CNTN4: variants seen among roughly 807,000 people sequenced by gnomAD.
The protein encoded by CNTN4 is contactin 4.
In CNTN4, 77 loss-of-function variants were observed where a neutral mutation model predicts 122.5. That is an observed-to-expected ratio of 0.63 (90% CI 0.52 to 0.76). The LOEUF (loss-of-function observed/expected upper bound fraction) is 0.76. CNTN4 is among the 30% of genes least tolerant of loss of function. The pLI is 0.00. For missense variants in CNTN4, 1,256 were observed against 1,259.1 expected, an observed-to-expected ratio of 1.00 and a Z score of 0.04; for synonymous variants, 512 against 447.0, an observed-to-expected ratio of 1.15 and a Z score of -1.83.
chr3:2,565,726 C>T (rs1240789599), intron 3 of CNTN4, among the ~76,000 whole-genome samples: 2 of 152,104 alleles, frequency 1.3e-5, no homozygotes, highest in Non-Finnish European at 2.9e-5. Flanking sequence ...TGCCATTTTC[C>T]TTTAAAATTA....
chr3:3,014,896 T>TC (rs1221695433), intron 14 of CNTN4, among the ~76,000 whole-genome samples: 2 of 148,058 alleles, frequency 1.4e-5, no homozygotes, highest in Non-Finnish European at 3.0e-5. Context: ...TTTTTTTTTT[T>TC]TCTCTTTGGG....
chr3:2,915,034 T>C (rs955013498), intron 12 of CNTN4, among the ~76,000 whole-genome samples: 7 of 152,108 alleles, frequency 4.6e-5, no homozygotes, highest in South Asian at 2.1e-4. Context: ...ATCGTTCCAA[T>C]TGATGAAGAA....
At chr3:2,575,891 G>A (rs767052327) in intron 4 of CNTN4, among the ~76,000 whole-genome samples, 2 of 137,956 alleles carry the variant, frequency 1.4e-5, no homozygotes, top group Non-Finnish European at 3.0e-5. Flanking sequence ...GTGTGATCTC[G>A]GCTCACTGCA....
chr3:2,457,184 C>G (rs1486958446), intron 3 of CNTN4, among the ~76,000 whole-genome samples: 1 of 152,052 alleles, frequency 6.6e-6, no homozygotes, highest in Non-Finnish European at 1.5e-5. Context: ...CCTGCTTTTC[C>G]CGGGCATACT....
chr3:2,112,576 T>C (rs2033044718), intron 2 of CNTN4, among the ~76,000 whole-genome samples: 1 of 152,176 alleles, frequency 6.6e-6, no homozygotes, highest in African/African-American at 2.4e-5. Flanking sequence ...GTTTTGAATG[T>C]TTCTCTATTT....
intron 13 of CNTN4, among the ~76,000 whole-genome samples, chr3:2,983,075 A>G (rs780573531): frequency 2.2e-4 from 33 of 151,574 alleles, no homozygotes; most frequent in Non-Finnish European, 2.8e-4. Context: ...TTAGCCGGGC[A>G]TGGTGGCGGG....
intron 13 of CNTN4, among the ~76,000 whole-genome samples, chr3:2,947,854 G>A (rs1018625505): frequency 1.9e-4 from 29 of 152,264 alleles, no homozygotes; most frequent in African/African-American, 4.8e-4. Context: ...TAGATAAAAC[G>A]GAGAATTAAA....
At chr3:2,429,278 G>A (rs2047966156) in intron 3 of CNTN4, among the ~76,000 whole-genome samples, 1 of 152,170 alleles carries the variant, frequency 6.6e-6, no homozygotes, top group Admixed American at 6.5e-5. Context: ...TGTCCTTTCT[G>A]TTTGTTAGTT....
At chr3:2,118,569 G>A (rs2033525666) in intron 2 of CNTN4, among the ~76,000 whole-genome samples, 1 of 152,206 alleles carries the variant, frequency 6.6e-6, no homozygotes, top group Non-Finnish European at 1.5e-5. Flanking sequence ...GTGCATGTAA[G>A]TTATATATTA....
At chr3:2,170,814 G>C (rs1018297248) in intron 2 of CNTN4, among the ~76,000 whole-genome samples, 1 of 152,084 alleles carries the variant, frequency 6.6e-6, no homozygotes, top group African/African-American at 2.4e-5. Context: ...AATAGAAATA[G>C]AACAAACCGT....
chr3:3,029,635 G>A (rs1306715766), intron 15 of CNTN4, among the ~76,000 whole-genome samples: 1 of 152,204 alleles, frequency 6.6e-6, no homozygotes, highest in Admixed American at 6.5e-5. Context: ...TGAGGATATG[G>A]TCTTTCCGGA....
chr3:2,322,330 G>A (rs1056272034), intron 2 of CNTN4, among the ~76,000 whole-genome samples: 11 of 152,138 alleles, frequency 7.2e-5, no homozygotes, highest in African/African-American at 2.2e-4. Flanking sequence ...AAAACATGGT[G>A]TAAACATAGG....
chr3:2,781,340 G>A (rs1408254383), intron 6 of CNTN4, among the ~76,000 whole-genome samples: 1 of 152,134 alleles, frequency 6.6e-6, no homozygotes, highest in African/African-American at 2.4e-5. Context: ...GCTTTGCAAA[G>A]TTTTTAAAAA....
At chr3:3,007,145 C>T (rs1368265980) in intron 14 of CNTN4, among the ~76,000 whole-genome samples, 2 of 152,178 alleles carry the variant, frequency 1.3e-5, no homozygotes, top group Non-Finnish European at 2.9e-5. Context: ...ATGTTGTTTA[C>T]TATTGTGCAT....
intron 7 of CNTN4, among the ~76,000 whole-genome samples, chr3:2,855,996 G>A (rs542667935): frequency 5.3e-5 from 8 of 152,042 alleles, no homozygotes; most frequent in African/African-American, 1.7e-4. Context: ...TACCATTAAT[G>A]GTCTGATGAA....
At chr3:2,960,096 C>T (rs1480292625) in intron 13 of CNTN4, among the ~76,000 whole-genome samples, 1 of 152,160 alleles carries the variant, frequency 6.6e-6, no homozygotes, top group African/African-American at 2.4e-5. Flanking sequence ...TAACGTCTGT[C>T]ACCTTCTTAG....
At chr3:2,991,051 A>T (rs1202938600) in intron 14 of CNTN4, among the ~76,000 whole-genome samples, 2 of 152,236 alleles carry the variant, frequency 1.3e-5, no homozygotes, top group Non-Finnish European at 2.9e-5. Context: ...GCAAAAAATC[A>T]TGAAGATGGT....
chr3:2,815,376 C>T (rs554917672), intron 6 of CNTN4, among the ~76,000 whole-genome samples: 1 of 152,206 alleles, frequency 6.6e-6, no homozygotes, highest in East Asian at 1.9e-4. Context: ...CTACAACGAA[C>T]TCAAACAAAT....
chr3:2,988,757 T>A (rs904016416), intron 14 of CNTN4: 6 of 363,326 alleles, frequency 1.7e-5, no homozygotes, highest in Admixed American at 4.1e-5. Context: ...AATCCTTTAA[T>A]TAAATTTCTT....
Sources: gnomAD v4.1 joint callset for allele counts (sites outside exome capture counted in the v4.1 genomes callset) on GRCh38, gnomAD v4.1.1 for gene constraint, MANE v1.5 for transcripts, NCBI Gene and HGNC (gene_info 2026-07-23, HGNC 2026-07-21) for gene names.